Variants in USP25 observed in about 807,000 individuals in gnomAD.
USP25 encodes the protein ubiquitin carboxyl-terminal hydrolase 25.
Under a neutral mutation model 158.5 loss-of-function variants are expected in USP25, and 85 were observed. The ratio of observed to expected loss-of-function variants is 0.54; its 90% CI spans 0.45 to 0.64. The LOEUF is 0.64. USP25 is among the 30% of genes least tolerant of loss of function. USP25 has a pLI of 0.00. For missense variants in USP25, 1,242 were observed against 1,327.3 expected (o/e 0.94, Z 1.00); for synonymous variants, 464 against 460.4 (o/e 1.01, Z -0.10).
chr21:15,762,478 C>T (rs1360259398), intron 1 of USP25, among the ~76,000 whole-genome samples: 1 of 151,938 alleles, frequency 6.6e-6, no homozygotes, highest in Non-Finnish European at 1.5e-5. Flanking sequence ...TGAAGATCTC[C>T]GTGGTATAAT....
chr21:15,841,326 T>C (rs1398784877), intron 17 of USP25, among the ~76,000 whole-genome samples: 3 of 152,130 alleles, frequency 2.0e-5, no homozygotes, highest in Non-Finnish European at 4.4e-5. Context: ...CTGCCTTCTA[T>C]TACCTTCACC....
At chr21:15,842,275 C>T in intron 17 of USP25, 123 bp from the exon 18 acceptor site, 2 of 1,049,816 alleles carry the variant, frequency 1.9e-6, no homozygotes, top group Non-Finnish European at 2.6e-6. Flanking sequence ...ATATATTTTA[C>T]TTTGAATGGA....
chr21:15,844,010 T>G (rs1427077735), intron 18 of USP25, among the ~76,000 whole-genome samples: 1 of 152,162 alleles, frequency 6.6e-6, no homozygotes, highest in Non-Finnish European at 1.5e-5. Context: ...GGATATCGTC[T>G]TATAAGGTAG....
At chr21:15,754,933 AG>A (rs968972681) in intron 1 of USP25, among the ~76,000 whole-genome samples, 30 of 152,374 alleles carry the variant, frequency 2.0e-4, no homozygotes, top group African/African-American at 7.0e-4. Flanking sequence ...AGTGAGTATT[AG>A]AGGTTTCTTA....
At chr21:15,839,378 A>G (rs1601088386) in intron 17 of USP25, among the ~76,000 whole-genome samples, 1 of 152,196 alleles carries the variant, frequency 6.6e-6, no homozygotes. Flanking sequence ...GTAAAAGCCG[A>G]ACTTGTTCTG....
chr21:15,857,586 C>T (rs2039216714), intron 20 of USP25, among the ~76,000 whole-genome samples: 1 of 151,984 alleles, frequency 6.6e-6, no homozygotes, highest in South Asian at 2.1e-4. Flanking sequence ...ACGTTTATTA[C>T]ACTGAGTTTC....
intron 20 of USP25, among the ~76,000 whole-genome samples, chr21:15,851,502 A>C (rs1435050132): frequency 2.1e-5 from 3 of 141,606 alleles, no homozygotes; most frequent in Non-Finnish European, 4.4e-5. Flanking sequence ...CCTATCCCCC[A>C]TACACACACA....
At chr21:15,849,956 G>T in intron 20 of USP25, 84 bp downstream of exon 20, 2 of 1,086,904 alleles carry the variant, frequency 1.8e-6, no homozygotes, top group South Asian at 1.9e-5. Flanking sequence ...AATTCAGTTT[G>T]GTTTTCTGTA....
intron 6 of USP25, among the ~76,000 whole-genome samples, chr21:15,800,847 A>C (rs2036098761): frequency 6.6e-6 from 1 of 151,562 alleles, no homozygotes; most frequent in Admixed American, 6.6e-5. Flanking sequence ...AAACATTTAT[A>C]ATGCATGCTA....
chr21:15,750,503 TA>T (rs1360123528), intron 1 of USP25, among the ~76,000 whole-genome samples: 1 of 152,024 alleles, frequency 6.6e-6, no homozygotes, highest in Non-Finnish European at 1.5e-5. Flanking sequence ...GTGCTGGGAT[TA>T]CAGGCATGAA....
chr21:15,823,965 T>A lies in USP25; in HGVS notation c.1081-74T>A, dbSNP rs993808401. ...ACATATAACAATGTCAGTGCCCACATCCTGTGCCTAAGATTGCAGTGAAGA... is the reference window on the plus strand; with the variant it reads ...ACATATAACAATGTCAGTGCCCACAACCTGTGCCTAAGATTGCAGTGAAGA... On this transcript the variant is annotated intron_variant, in intron 10 of 25. Coordinates refer to ENST00000400183, the MANE Select transcript of USP25 (RefSeq NM_001283041.3). 1.7e-5 allele frequency: 24 copies of A among 1,448,396 alleles called. No homozygotes were observed. In the African/African-American group the frequency reaches 2.5e-4, roughly 15 times the overall value. 89.7% of individuals were successfully genotyped at this position (1,448,396 alleles called of 1,614,324 possible). A position where few individuals can be genotyped will look rare whatever the true frequency, so the allele number is the denominator to read the frequency against.
chr21:15,731,827 G>C (rs1209943479), intron 1 of USP25, among the ~76,000 whole-genome samples: 1 of 152,096 alleles, frequency 6.6e-6, no homozygotes, highest in Non-Finnish European at 1.5e-5. Flanking sequence ...AATTTTTAAA[G>C]ACTTAAGGCT....
chr21:15,739,537 T>C (rs955141105), intron 1 of USP25, among the ~76,000 whole-genome samples: 27 of 152,086 alleles, frequency 1.8e-4, no homozygotes, highest in African/African-American at 6.5e-4. Flanking sequence ...CAGGGCACTT[T>C]TTTTTTGTAT....
rs200059109 is a variant in USP25, at chr21:15,847,768, G to T, written c.2443G>T (p.Asp815Tyr). 7.0e-5 allele frequency: 109 copies of T among 1,547,614 alleles called. No individual in the cohort carries two copies. The highest frequency in any genetic ancestry group is 7.9e-6 in the Non-Finnish European group (9 of 1,144,474). ...FMIESKEGGY[D>Y]DEIMMTPNMQ... ...GATTGAATCAAAGGAGGGGGGGTAT[G>T]ATGACGAGGTACCTTTTACAGCCCT... Residue 815 changes from aspartate to tyrosine, a missense_variant, in exon 19 of 26, where the codon GAT becomes TAT. Asp to Tyr is a radical substitution (Grantham distance 160, BLOSUM62 -3). Transcript: ENST00000400183.
chr21:15,872,241 A>G (rs914086219), intron 23 of USP25, among the ~76,000 whole-genome samples: 1 of 152,130 alleles, frequency 6.6e-6, no homozygotes, highest in African/African-American at 2.4e-5. Context: ...GTACCAGGCT[A>G]CATGATCTTA....
chr21:15,764,471 C>G (rs1182081604), intron 2 of USP25, among the ~76,000 whole-genome samples: 1 of 151,840 alleles, frequency 6.6e-6, no homozygotes, highest in African/African-American at 2.4e-5. Context: ...GTATTTAAAC[C>G]TTAATTGTTG....
chr21:15,847,915 CT>C, intron 19 of USP25, 139 bp downstream of exon 19: 1 of 447,184 alleles, frequency 2.2e-6, no homozygotes. Flanking sequence ...TCCAAAATTA[CT>C]TTACCAATTA....
At chr21:15,730,556 C>A in intron 1 of USP25, 118 bp downstream of exon 1, 1 of 1,157,470 alleles carries the variant, frequency 8.6e-7, no homozygotes. Flanking sequence ...CCTCCCCGGT[C>A]ACCCCCGGCC....
At chr21:15,758,773 G>A (rs758954258) in intron 1 of USP25, among the ~76,000 whole-genome samples, 28 of 152,232 alleles carry the variant, frequency 1.8e-4, no homozygotes, top group Non-Finnish European at 3.4e-4. Flanking sequence ...AGGCAAGAGA[G>A]CATGTGCAGG....
Sources: gnomAD v4.1 joint callset for allele counts (sites outside exome capture counted in the v4.1 genomes callset) on GRCh38, gnomAD v4.1.1 for gene constraint, MANE v1.5 for transcripts, NCBI Gene and HGNC (gene_info 2026-07-23, HGNC 2026-07-21) for gene names.